Variants in ELOVL2 observed in about 807,000 individuals in gnomAD.
ELOVL2 encodes the protein ELOVL fatty acid elongase 2, also known as very long chain fatty acid elongase 2.
ELOVL2 carries 38 observed loss-of-function variants against 37.7 expected under a neutral mutation model. The ratio of observed to expected loss-of-function variants is 1.01; its 90% confidence interval spans 0.78 to 1.32. The LOEUF is 1.32. Among genes scored for constraint, ELOVL2 ranks in the 40% most tolerant of loss-of-function variants. The pLI is 0.00. For synonymous variants in ELOVL2, 115 were observed against 122.3 expected, an observed-to-expected ratio of 0.94 and a Z score of 0.40; for missense variants, 352 against 363.6, an observed-to-expected ratio of 0.97 and a Z score of 0.26.
chr6:10,999,950 T>C, intron 4 of ELOVL2, 137 bp downstream of exon 4: 2 of 735,360 alleles, frequency 2.7e-6, no homozygotes, highest in Admixed American at 2.6e-5. Flanking sequence ...TCATCTTTGT[T>C]ACCAAGCATT....
intron 5 of ELOVL2, among the ~76,000 whole-genome samples, chr6:10,991,639 CA>C (rs1448882158): frequency 6.6e-6 from 1 of 151,860 alleles, no homozygotes; most frequent in African/African-American, 2.4e-5. Flanking sequence ...AAATAAGAAA[CA>C]AAAGGTACAA....
chr6:11,043,880 A>T, intron 1 of ELOVL2: 1 of 219,894 alleles, frequency 4.5e-6, no homozygotes, highest in Admixed American at 5.8e-5. Context: ...GGCCGCCGCG[A>T]AGGAGGGGCG....
Position 11,005,410 on chromosome 6 carries a change from G to T in ELOVL2, c.217C>A (p.Leu73Ile). 2.5e-6 allele frequency: 4 copies of T among 1,614,064 alleles called. No homozygotes were observed. Reference protein sequence around the residue: ...SLRGILTLYNLGITLLSAYML... With the variant: ...SLRGILTLYNIGITLLSAYML... ...TACGCGGAGAGAAGTGTGATTCCAAGATTATACAAGGTGAGGATACCCCTG... is the reference window on the plus strand; with the variant it reads ...TACGCGGAGAGAAGTGTGATTCCAATATTATACAAGGTGAGGATACCCCTG... The change falls in exon 3 of 8, where the codon CTT (leucine) becomes ATT (isoleucine). Residue 73 changes from leucine to isoleucine, a missense_variant. Leu to Ile is a conservative substitution (Grantham distance 5). Transcript: ENST00000354666.
chr6:11,044,202 C>A lies in ELOVL2; in HGVS notation c.3+26G>T. On this transcript the variant is annotated intron_variant, in intron 1 of 7. Transcript: ENST00000354666. This position sits in a 1 kb window ranked among gnomAD's most constrained non-coding sequence, Gnocchi z 5.6. ...GGAGAGAAAGAAAGCGCGGCGGTGT[C>A]GGTGGCGGCGCGCGGCCCCACTCAC... 1 of 1,450,596 alleles carries A rather than the reference C, an allele frequency of 6.9e-7. No homozygotes were observed. The highest frequency in any genetic ancestry group is 9.1e-7 in the Non-Finnish European group (1 of 1,100,198). The allele number at this position is 1,450,596 out of a possible 1,614,324, so 89.9% of individuals were successfully genotyped here.
rs142383585 is a variant in ELOVL2 at position 11,006,892 on chromosome 6, C to T, written c.68-1333G>A. ...TTTAATGCCCAGATAAAGGTCCTGA[C>T]TTCTGAAGGGAGACATTTCCTACTG... On this transcript the variant is annotated intron_variant, in intron 2 of 7. Transcript: ENST00000354666. 2.6e-4 allele frequency among the ~76,000 whole-genome samples: 40 copies of T among 152,346 alleles called. No homozygotes were observed. In the East Asian group the frequency reaches 6.0e-3, roughly 23 times the overall value.
intron 5 of ELOVL2, among the ~76,000 whole-genome samples, chr6:10,990,837 C>T (rs1180262584): frequency 6.6e-6 from 1 of 152,188 alleles, no homozygotes; most frequent in Non-Finnish European, 1.5e-5. Context: ...TTTGATAAGA[C>T]ATATTGACAA....
chr6:11,034,741 G>T (rs1782982670), intron 1 of ELOVL2, among the ~76,000 whole-genome samples: 1 of 151,420 alleles, frequency 6.6e-6, no homozygotes. Flanking sequence ...GGTGGCTCAG[G>T]CCTGTAATCC....
chr6:11,027,735 C>G (rs371270593), intron 1 of ELOVL2, among the ~76,000 whole-genome samples: 1 of 151,994 alleles, frequency 6.6e-6, no homozygotes, highest in South Asian at 2.1e-4. Context: ...CAACTTATCC[C>G]GTTCTCCTCT....
At chr6:11,003,328 G>A (rs1008205474) in intron 3 of ELOVL2, among the ~76,000 whole-genome samples, 2 of 152,032 alleles carry the variant, frequency 1.3e-5, no homozygotes, top group African/African-American at 2.4e-5. Context: ...CGACAGGCCC[G>A]GGCGTGTGAT....
intron 3 of ELOVL2, among the ~76,000 whole-genome samples, chr6:11,001,060 T>C (rs1782370739): frequency 1.3e-5 from 2 of 152,238 alleles, no homozygotes; most frequent in South Asian, 4.1e-4. Context: ...GCGAAAGGCC[T>C]ACGATTTAAT....
intron 2 of ELOVL2, among the ~76,000 whole-genome samples, chr6:11,008,450 A>G (rs1326044682): frequency 6.6e-6 from 1 of 152,160 alleles, no homozygotes; most frequent in East Asian, 1.9e-4. Flanking sequence ...TCACCAACAA[A>G]TCATACTTCC....
At chr6:11,010,635 T>C (rs1782557729) in intron 2 of ELOVL2, 111 bp downstream of exon 2, 5 of 868,668 alleles carry the variant, frequency 5.8e-6, no homozygotes, top group Non-Finnish European at 7.4e-6. Flanking sequence ...TTTCTAAATA[T>C]TAAGTACCTT....
chr6:10,992,774 G>T (rs868197476), intron 5 of ELOVL2, among the ~76,000 whole-genome samples: 2 of 147,120 alleles, frequency 1.4e-5, no homozygotes, highest in East Asian at 4.0e-4. Context: ...GCGACAGGGC[G>T]GGACTCCATC....
chr6:11,011,323 G>A (rs1187925772), intron 1 of ELOVL2, among the ~76,000 whole-genome samples: 3 of 150,058 alleles, frequency 2.0e-5, no homozygotes, highest in Non-Finnish European at 4.4e-5. Flanking sequence ...CCGAGATCAC[G>A]CCACCTCACA....
chr6:10,983,800 A>G lies in ELOVL2; in HGVS notation c.872T>C (p.Met291Thr). The change falls in exon 8 of 8, where the codon ATG (methionine) becomes ACG (threonine). Residue 291 changes from methionine to threonine, a missense_variant. By Grantham distance (81) the Met-to-Thr change is moderately conservative (BLOSUM62 -1). Coordinates refer to ENST00000354666, the MANE Select transcript of ELOVL2 (RefSeq NM_017770.4). ...KAYFTAANGV[M>T]NKKAQ The stretch of plus-strand genomic sequence containing the variant: ...TCATTTTTATTGTGCTTTCTTGTTC[A>G]TCACTCCATTTGCTGCAGTGAAGTA... 1 of 1,609,666 alleles carries G rather than the reference A, an allele frequency of 6.2e-7. No homozygotes were observed. The highest frequency in any genetic ancestry group is 1.3e-5 in the African/African-American group (1 of 74,678).
At chr6:10,990,486 C>T (rs1331266286) in intron 5 of ELOVL2, 44 bp from the exon 6 acceptor site, 17 of 1,521,750 alleles carry the variant, frequency 1.1e-5, no homozygotes, top group Non-Finnish European at 1.1e-5. Context: ...CCAGGAAGGA[C>T]TGTTCATTCT....
chr6:11,018,993 T>C (rs866119918), intron 1 of ELOVL2, among the ~76,000 whole-genome samples: 1 of 152,196 alleles, frequency 6.6e-6, no homozygotes, highest in Non-Finnish European at 1.5e-5. Flanking sequence ...TACCTGAATA[T>C]AGTATTCTGA....
chr6:11,043,263 G>T (rs1203924501), intron 1 of ELOVL2, among the ~76,000 whole-genome samples: 1 of 152,116 alleles, frequency 6.6e-6, no homozygotes, highest in African/African-American at 2.4e-5. Flanking sequence ...CACTGAATAT[G>T]GACCACTGAA....
rs777473383 is a variant in ELOVL2, at chr6:10,983,945, G to GTC, written c.766-40_766-39insGA. The GTC allele has an allele frequency of 5.8e-6, 9 of 1,562,304 alleles. No homozygotes were observed. In the African/African-American group the frequency reaches 1.1e-4, roughly 19 times the overall value. ...ATATTTTGAAGAGAAAAATAAAAAG[G>GTC]TTATTTAATAAGACCTTGTCTTTAA... On this transcript the variant is annotated intron_variant, in intron 7 of 7. Transcript: ENST00000354666.
Sources: allele counts gnomAD v4.1 joint callset (sites outside exome capture counted in the v4.1 genomes callset), GRCh38; gene constraint gnomAD v4.1.1; non-coding constraint Gnocchi (gnomAD v3.1); transcripts MANE v1.5; gene names NCBI Gene and HGNC (gene_info 2026-07-23, HGNC 2026-07-21).